Variants in FAR2 observed in about 807,000 individuals in gnomAD.
FAR2 encodes the protein fatty acyl-CoA reductase 2.
FAR2 carries 19 observed loss-of-function variants against 56.0 expected under a neutral mutation model. The ratio of observed to expected loss-of-function variants is 0.34; its 90% confidence interval spans 0.24 to 0.50. The LOEUF (loss-of-function observed/expected upper bound fraction) is 0.50, where lower values mean the gene tolerates loss of function less well. FAR2 is among the 20% of genes least tolerant of loss of function. FAR2 has a pLI of 0.98. For missense variants in FAR2, 508 were observed against 642.2 expected (o/e 0.79, Z 2.26); for synonymous variants, 219 against 218.8 (o/e 1.00, Z -0.01).
intron 1 of FAR2, among the ~76,000 whole-genome samples, chr12:29,179,820 G>C (rs1001258744): frequency 2.6e-5 from 4 of 152,060 alleles, no homozygotes; most frequent in African/African-American, 7.2e-5. Context: ...AGGTATTATA[G>C]AAGGGACCAC....
intron 1 of FAR2, among the ~76,000 whole-genome samples, chr12:29,249,344 G>A (rs1049659149): frequency 6.6e-6 from 1 of 152,180 alleles, no homozygotes; most frequent in African/African-American, 2.4e-5. Context: ...TGCAATAGTA[G>A]TACAATAAGT....
intron 3 of FAR2, among the ~76,000 whole-genome samples, chr12:29,295,870 G>A (rs1188370558): frequency 1.4e-5 from 2 of 145,338 alleles, no homozygotes; most frequent in African/African-American, 5.1e-5. Flanking sequence ...CCGGGTTCAC[G>A]CCATTCTCCT....
At position 29,293,423 on chromosome 12, in the gene FAR2, A is replaced by T; in HGVS notation, c.313A>T (p.Thr105Ser). 1 of 1,609,582 alleles carries T rather than the reference A, an allele frequency of 6.2e-7. No individual in the cohort carries two copies. Among genetic ancestry groups the T allele is most frequent in the South Asian group, 1.1e-5 (1 of 90,130 alleles). Residue 105 changes from threonine to serine, a missense_variant, in exon 3 of 12, where the codon ACA (threonine) becomes TCA (serine). Thr to Ser is a moderately conservative substitution (Grantham distance 58, BLOSUM62 1). Transcript: ENST00000536681. ...GGACATGCAGGAGCTTCTCTCCTGT[A>T]CAAACATAATATTTCACTGTGCAGC... The part of the protein sequence containing the change: ...KEDMQELLSC[T>S]NIIFHCAATV...
At chr12:29,257,810 A>G (rs1948350202) in intron 1 of FAR2, among the ~76,000 whole-genome samples, 1 of 152,186 alleles carries the variant, frequency 6.6e-6, no homozygotes, top group African/African-American at 2.4e-5. Context: ...GCCACCTTTA[A>G]GAACTGTAAC....
rs12304835 is a variant in FAR2 at position 29,200,259 on chromosome 12, G to A, written c.-39+50852G>A. 2.9e-3 allele frequency among the ~76,000 whole-genome samples: 448 copies of A among 152,284 alleles called. 2 individuals carry two copies. Among genetic ancestry groups the A allele is most frequent in the Middle Eastern group, 0.014 (4 of 294 alleles). On this transcript the variant is annotated intron_variant, in intron 1 of 11. Transcript: ENST00000536681. ...AGTGTGAATGGTACTCCCTGGTGCT[G>A]GGCAGTACACAGCCTCCCCAAACCA...
At chr12:29,229,099 T>G (rs1245453822) in intron 1 of FAR2, among the ~76,000 whole-genome samples, 1 of 152,190 alleles carries the variant, frequency 6.6e-6, no homozygotes, top group Non-Finnish European at 1.5e-5. Flanking sequence ...TCTTCCCCGC[T>G]GAGTATGGCA....
At chr12:29,253,272 T>G (rs868482895) in intron 1 of FAR2, among the ~76,000 whole-genome samples, 3,307 of 21,354 alleles carry the variant, frequency 0.15, 437 homozygotes, top group Middle Eastern at 0.32. Context: ...GATAGATATC[T>G]ATATATCGAT....
chr12:29,322,736 A>G (rs1455353911), intron 10 of FAR2, among the ~76,000 whole-genome samples: 4 of 152,212 alleles, frequency 2.6e-5, no homozygotes, highest in African/African-American at 4.8e-5. Flanking sequence ...TCTAAAATGT[A>G]TCTTTTGTTT....
intron 1 of FAR2, among the ~76,000 whole-genome samples, chr12:29,254,950 CA>C (rs759782873): frequency 0.067 from 8,152 of 121,486 alleles, 511 homozygotes; most frequent in African/African-American, 0.21. Flanking sequence ...AAGACTGTCT[CA>C]AAAAAAAAAA....
At chr12:29,324,773 T>C (rs1172617847) in intron 10 of FAR2, among the ~76,000 whole-genome samples, 1 of 152,124 alleles carries the variant, frequency 6.6e-6, no homozygotes, top group Non-Finnish European at 1.5e-5. Flanking sequence ...AAGGAACAAC[T>C]GATACCAGCC....
At chr12:29,206,388 T>C (rs1403038290) in intron 1 of FAR2, among the ~76,000 whole-genome samples, 1 of 152,226 alleles carries the variant, frequency 6.6e-6, no homozygotes, top group Non-Finnish European at 1.5e-5. Context: ...GAAAATGTAC[T>C]GAAATGTTCC....
intron 1 of FAR2, among the ~76,000 whole-genome samples, chr12:29,215,916 C>G (rs1470282426): frequency 6.6e-6 from 1 of 152,100 alleles, no homozygotes; most frequent in Non-Finnish European, 1.5e-5. Context: ...ATAACCATGG[C>G]CCTATGAATC....
chr12:29,161,103 G>A (rs1018524019), intron 1 of FAR2, among the ~76,000 whole-genome samples: 5 of 152,128 alleles, frequency 3.3e-5, no homozygotes, highest in Non-Finnish European at 7.4e-5. Context: ...TTCACCAAGA[G>A]TTTCTTCTCC....
intron 1 of FAR2, among the ~76,000 whole-genome samples, chr12:29,228,361 C>CTT (rs79096365): frequency 6.6e-6 from 1 of 151,688 alleles, no homozygotes; most frequent in Non-Finnish European, 1.5e-5. Flanking sequence ...AAATGGCACT[C>CTT]TTTCTTAGAA....
At chr12:29,218,991 C>G (rs1321968301) in intron 1 of FAR2, among the ~76,000 whole-genome samples, 1 of 152,080 alleles carries the variant, frequency 6.6e-6, no homozygotes, top group East Asian at 1.9e-4. Flanking sequence ...TGGGATCAAG[C>G]AATCCCCTTT....
At chr12:29,208,914 C>T (rs954540417) in intron 1 of FAR2, among the ~76,000 whole-genome samples, 38 of 152,070 alleles carry the variant, frequency 2.5e-4, no homozygotes, top group African/African-American at 8.4e-4. Flanking sequence ...AATGCAACCT[C>T]GGTGTGGCAA....
Position 29,332,619 on chromosome 12 carries a change from G to A in FAR2, c.1277G>A (p.Arg426His), listed in dbSNP as rs766320404. The change falls in exon 11 of 12, where the codon CGC (arginine) becomes CAC (histidine). Residue 426 changes from arginine (R) to histidine (H), a missense_variant. Transcript: ENST00000536681. ...EDQRVFNFDV[R>H]QLNWLEYIEN... ...TCTCAGGTATTCAACTTTGACGTGCGCCAGTTGAACTGGTTGGAATACATT... is the reference window on the plus strand; with the variant it reads ...TCTCAGGTATTCAACTTTGACGTGCACCAGTTGAACTGGTTGGAATACATT... 6.2e-6 allele frequency: 10 copies of A among 1,613,494 alleles called. No individual in the cohort carries two copies. In the South Asian group the frequency reaches 6.6e-5, roughly 11 times the overall value.
intron 2 of FAR2, among the ~76,000 whole-genome samples, chr12:29,275,842 G>A (rs1240654848): frequency 2.6e-5 from 4 of 152,108 alleles, no homozygotes; most frequent in Non-Finnish European, 5.9e-5. Context: ...TCTGGAAATC[G>A]TGATTATACT....
intron 2 of FAR2, chr12:29,291,555 G>A (rs1241684666): frequency 2.3e-6 from 1 of 432,782 alleles, no homozygotes; most frequent in Admixed American, 2.6e-5. Context: ...AAATCAATTG[G>A]GGGACTTGGT....
Sources: allele counts gnomAD v4.1 joint callset (sites outside exome capture counted in the v4.1 genomes callset), GRCh38; gene constraint gnomAD v4.1.1; transcripts MANE v1.5; gene names NCBI Gene and HGNC (gene_info 2026-07-23, HGNC 2026-07-21).